Variants in SSBP3 observed in about 807,000 individuals in gnomAD.
SSBP3 encodes single-stranded DNA-binding protein 3.
A neutral mutation model predicts 69.6 loss-of-function variants in SSBP3; 5 were observed. That is an observed-to-expected ratio of 0.07 (90% CI 0.04 to 0.15). SSBP3 has a LOEUF of 0.15. SSBP3 is among the 10% of genes least tolerant of loss of function. The pLI, the probability that SSBP3 is intolerant of heterozygous loss-of-function variation, is 1.00. For missense variants in SSBP3, 312 were observed against 534.0 expected, an observed-to-expected ratio of 0.58 and a Z score of 4.10; for synonymous variants, 196 against 193.4, an observed-to-expected ratio of 1.01 and a Z score of -0.11.
At chr1:54,310,813 T>C (rs1312281822) in intron 4 of SSBP3, among the ~76,000 whole-genome samples, 3 of 152,234 alleles carry the variant, frequency 2.0e-5, no homozygotes, top group Non-Finnish European at 4.4e-5. Context: ...GAAATACCTA[T>C]ACCACCTGTG....
intron 9 of SSBP3, among the ~76,000 whole-genome samples, chr1:54,248,754 G>A (rs1644775390): frequency 6.6e-6 from 1 of 152,170 alleles, no homozygotes; most frequent in African/African-American, 2.4e-5. Flanking sequence ...CCAGTGATGG[G>A]CCAGTGCAGA....
chr1:54,344,563 G>A (rs545289587), intron 4 of SSBP3, among the ~76,000 whole-genome samples: 1 of 152,296 alleles, frequency 6.6e-6, no homozygotes, highest in East Asian at 1.9e-4. Flanking sequence ...GATGACTGCT[G>A]GGGCAGCTAA....
intron 4 of SSBP3, among the ~76,000 whole-genome samples, chr1:54,330,417 C>T (rs1646387696): frequency 6.6e-6 from 1 of 152,176 alleles, no homozygotes; most frequent in African/African-American, 2.4e-5. Flanking sequence ...ACCTCCACGG[C>T]CATCCATTCC....
chr1:54,362,510 A>T (rs1428016408), intron 4 of SSBP3, among the ~76,000 whole-genome samples: 1 of 152,226 alleles, frequency 6.6e-6, no homozygotes, highest in Non-Finnish European at 1.5e-5. Flanking sequence ...TTATGGCCAC[A>T]GATAGTCTAC....
At chr1:54,406,778 G>A (rs1022245451), upstream of SSBP3, among the ~76,000 whole-genome samples, 1 of 151,638 alleles carries the variant, frequency 6.6e-6, no homozygotes, top group Non-Finnish European at 1.5e-5. Flanking sequence ...GGGAGGGGGC[G>A]CAGACCCCCA....
exon 18 of SSBP3, chr1:54,226,374 CGTGCCGCTGCT>C (rs2100533282): frequency 6.5e-6 from 1 of 153,302 alleles, no homozygotes; most frequent in South Asian, 2.1e-4. Flanking sequence ...GGGGTCCAAG[CGTGCCGCTGCT>C]GTTGCCATGG....
chr1:54,407,749 A>ATTTTTTTT (rs532968816), upstream of SSBP3, among the ~76,000 whole-genome samples: 2 of 97,532 alleles, frequency 2.1e-5, no homozygotes, highest in Non-Finnish European at 3.8e-5. Flanking sequence ...GCCTAGGTTG[A>ATTTTTTTT]TTTTTTTTTT....
intron 7 of SSBP3, among the ~76,000 whole-genome samples, chr1:54,252,198 C>T (rs915620270): frequency 5.9e-5 from 9 of 152,184 alleles, no homozygotes; most frequent in African/African-American, 2.2e-4. Context: ...GGCTGTAGCA[C>T]CAACCACCTT....
intron 4 of SSBP3, among the ~76,000 whole-genome samples, chr1:54,389,622 G>T (rs1396130059): frequency 6.6e-6 from 1 of 152,132 alleles, no homozygotes; most frequent in Admixed American, 6.5e-5. Context: ...ACTTTGGGAG[G>T]CCGAGGCAGG....
At chr1:54,391,735 A>T (rs116781448) in intron 4 of SSBP3, among the ~76,000 whole-genome samples, 4,364 of 152,294 alleles carry the variant, frequency 0.029, 227 homozygotes, top group African/African-American at 0.099. Flanking sequence ...GAAGCTGTGC[A>T]AACAGCTGTC....
intron 12 of SSBP3, 137 bp from the exon 13 acceptor site, chr1:54,241,096 GCTCA>G (rs777856481): frequency 1.0e-4 from 97 of 943,944 alleles, no homozygotes; most frequent in East Asian, 2.1e-4. Flanking sequence ...CACCCCCAGC[GCTCA>G]CTCAAAGTAC....
At chr1:54,407,835 A>G (rs1304486047), upstream of SSBP3, among the ~76,000 whole-genome samples, 5 of 150,484 alleles carry the variant, frequency 3.3e-5, no homozygotes, top group Non-Finnish European at 4.4e-5. Context: ...CTCGCACCAA[A>G]CAATTAAAGG....
chr1:54,285,754 A>G (rs1394800722), intron 4 of SSBP3, among the ~76,000 whole-genome samples: 1 of 152,142 alleles, frequency 6.6e-6, no homozygotes, highest in Non-Finnish European at 1.5e-5. Context: ...AAACCCCTGA[A>G]AACCCCCATT....
At chr1:54,321,742 T>C (rs1266882955) in intron 4 of SSBP3, among the ~76,000 whole-genome samples, 1 of 152,206 alleles carries the variant, frequency 6.6e-6, no homozygotes, top group Non-Finnish European at 1.5e-5. Flanking sequence ...GCAAACATAC[T>C]GGAGTGTCTT....
At chr1:54,362,119 T>C (rs1646960447) in intron 4 of SSBP3, among the ~76,000 whole-genome samples, 1 of 152,206 alleles carries the variant, frequency 6.6e-6, no homozygotes, top group African/African-American at 2.4e-5. Flanking sequence ...ACCATCATGG[T>C]AAGGACAAGC....
chr1:54,333,316 A>G (rs1216501683), intron 4 of SSBP3, among the ~76,000 whole-genome samples: 2 of 152,258 alleles, frequency 1.3e-5, no homozygotes, highest in East Asian at 3.9e-4. Flanking sequence ...TGGTGTGCAG[A>G]GTCAGGAGAG....
rs572954524 is a variant in SSBP3 at position 54,242,779 on chromosome 1, G to A, written c.716+456C>T. The A allele has an allele frequency of 2.2e-3, 359 of 165,114 alleles. 1 individual carries two copies. The highest frequency in any genetic ancestry group is 8.3e-3 in the African/African-American group (348 of 41,708). The allele number at this position is 165,114 out of a possible 1,614,324, so 10.2% of individuals were successfully genotyped here. ...ACCCTGGCCAACATGGTGAAACCCC[G>A]TCTCTACTAAAAATACAAAAATTGG... On this transcript the variant is annotated intron_variant, in intron 10 of 17. Coordinates refer to ENST00000610401, the Ensembl canonical transcript of SSBP3.
intron 4 of SSBP3, among the ~76,000 whole-genome samples, chr1:54,368,288 C>CAAAAAAAA (rs57721486): frequency 2.9e-5 from 2 of 69,040 alleles, no homozygotes; most frequent in Non-Finnish European, 6.1e-5. Context: ...GACTCCATCT[C>CAAAAAAAA]AAAAAAAAAA....
intron 4 of SSBP3, among the ~76,000 whole-genome samples, chr1:54,303,661 C>T (rs1245429861): frequency 1.3e-5 from 2 of 152,174 alleles, no homozygotes; most frequent in Non-Finnish European, 1.5e-5. Context: ...TACACTCACA[C>T]GGTCCTGCAT....
Sources: allele counts gnomAD v4.1 joint callset (sites outside exome capture counted in the v4.1 genomes callset), GRCh38; gene constraint gnomAD v4.1.1; transcripts MANE v1.5; gene names NCBI Gene and HGNC (gene_info 2026-07-23, HGNC 2026-07-21).